The following SLC44A5 variants were observed in gnomAD, a reference collection of about 807,000 sequenced individuals.
SLC44A5 encodes choline transporter-like protein 5.
SLC44A5 carries 57 observed loss-of-function variants against 101.8 expected under a neutral mutation model. The observed-to-expected ratio is 0.56, with a 90% CI of 0.45 to 0.70. The LOEUF is 0.70. Among genes scored for constraint, SLC44A5 ranks in the 30% least tolerant of loss-of-function variants. The pLI is 0.00. For synonymous variants in SLC44A5, 281 were observed against 290.9 expected (o/e 0.97, Z 0.35); for missense variants, 737 against 853.1 (o/e 0.86, Z 1.70).
chr1:75,594,377 T>A (rs1674520922), intron 1 of SLC44A5, among the ~76,000 whole-genome samples: 2 of 152,104 alleles, frequency 1.3e-5, no homozygotes, highest in South Asian at 2.1e-4. Flanking sequence ...CGGATCCAAA[T>A]GTCATTAGTG....
At chr1:75,235,474 C>A (rs17567748) in intron 11 of SLC44A5, among the ~76,000 whole-genome samples, 1 of 151,624 alleles carries the variant, frequency 6.6e-6, no homozygotes, top group Non-Finnish European at 1.5e-5. Context: ...GAAGAAGAAG[C>A]GTGGAAATTA....
At chr1:75,373,238 C>T (rs2137407) in intron 3 of SLC44A5, among the ~76,000 whole-genome samples, 6,507 of 152,036 alleles carry the variant, frequency 0.043, 170 homozygotes, top group Middle Eastern at 0.062. Context: ...CACCAAAAAT[C>T]GATAGGGAGG....
intron 1 of SLC44A5, among the ~76,000 whole-genome samples, chr1:75,545,455 T>C (rs1671594827): frequency 6.6e-6 from 1 of 152,222 alleles, no homozygotes; most frequent in Non-Finnish European, 1.5e-5. Flanking sequence ...TTTGGTTCTG[T>C]ATGATGTTTC....
At chr1:75,468,930 T>G (rs1247700821) in intron 2 of SLC44A5, among the ~76,000 whole-genome samples, 3 of 152,204 alleles carry the variant, frequency 2.0e-5, no homozygotes, top group Non-Finnish European at 2.9e-5. Context: ...AAATATCTCA[T>G]GTACCTCATA....
chr1:75,316,179 A>G (rs1655671794), intron 4 of SLC44A5, among the ~76,000 whole-genome samples: 1 of 152,214 alleles, frequency 6.6e-6, no homozygotes, highest in Non-Finnish European at 1.5e-5. Flanking sequence ...ATTACTTTTT[A>G]TCTTCCGTCC....
intron 1 of SLC44A5, among the ~76,000 whole-genome samples, chr1:75,605,458 C>A (rs188321406): frequency 5.8e-4 from 88 of 152,138 alleles, no homozygotes; most frequent in Non-Finnish European, 9.9e-4. Context: ...CCTGAGAGGC[C>A]ACCCCTCCTT....
chr1:75,409,187 G>T (rs1261484002), intron 2 of SLC44A5, among the ~76,000 whole-genome samples: 1 of 152,132 alleles, frequency 6.6e-6, no homozygotes, highest in African/African-American at 2.4e-5. Context: ...CTAAAAGATG[G>T]GGGCAAGGTT....
chr1:75,719,957 G>A, the SLC44A5 span, among the ~76,000 whole-genome samples: 1 of 152,278 alleles, frequency 6.6e-6, no homozygotes, highest in South Asian at 2.1e-4. Context: ...ACAAAGCAAC[G>A]CCACCTAGGA....
intron 2 of SLC44A5, among the ~76,000 whole-genome samples, chr1:75,456,233 C>A (rs1666182605): frequency 1.3e-5 from 2 of 152,104 alleles, no homozygotes; most frequent in African/African-American, 4.8e-5. Context: ...AGGCCATTAT[C>A]CTAAATGAAT....
chr1:75,580,441 G>C (rs1040151806), intron 1 of SLC44A5, among the ~76,000 whole-genome samples: 3 of 152,140 alleles, frequency 2.0e-5, no homozygotes, highest in Non-Finnish European at 4.4e-5. Context: ...GCTTGTTCAT[G>C]GTAGGAAGAT....
chr1:75,583,508 G>A (rs749801049), intron 1 of SLC44A5, among the ~76,000 whole-genome samples: 10 of 152,260 alleles, frequency 6.6e-5, no homozygotes, highest in Admixed American at 6.5e-5. Context: ...TACAATGAAC[G>A]TGCAGCTTGA....
the SLC44A5 span, among the ~76,000 whole-genome samples, chr1:75,691,086 T>C: frequency 6.6e-6 from 1 of 152,152 alleles, no homozygotes; most frequent in Non-Finnish European, 1.5e-5. Context: ...CTTGAGTGTG[T>C]ACTTTTCGCT....
chr1:75,222,529 G>T, intron 13 of SLC44A5, 69 bp from the exon 14 acceptor site: 1 of 897,542 alleles, frequency 1.1e-6, no homozygotes, highest in Non-Finnish European at 1.8e-6. Flanking sequence ...CCCTGCAAAT[G>T]CTAGGATTGA....
chr1:75,218,490 C>T lies in SLC44A5; in HGVS notation c.1529G>A (p.Arg510Gln), dbSNP rs753271100. ...PLFTAFGRAI[R>Q]YHTGSLAFGS... The stretch of plus-strand genomic sequence containing the variant: ...GTGTAGGCTTCAACTTGAAACTTAC[C>T]GTATGGCTCGTCCAAATGCAGTAAA... Residue 510 changes from arginine to glutamine, a missense_variant and splice_region_variant, in exon 17 of 24, where the codon CGA (arginine) becomes CAA (glutamine). Coordinates refer to ENST00000370859, the MANE Select transcript of SLC44A5 (RefSeq NM_001130058.2). 29 of 1,613,342 alleles carry T rather than the reference C, an allele frequency of 1.8e-5. No individual in the cohort carries two copies. In the Admixed American group the frequency reaches 2.7e-4, roughly 15 times the overall value.
chr1:75,361,086 T>C (rs538726816), intron 3 of SLC44A5, among the ~76,000 whole-genome samples: 29 of 152,288 alleles, frequency 1.9e-4, no homozygotes, highest in Non-Finnish European at 4.0e-4. Context: ...GAGATTTTTT[T>C]CTTCATTTCC....
intron 5 of SLC44A5, among the ~76,000 whole-genome samples, chr1:75,285,196 T>G (rs577845542): frequency 2.6e-5 from 4 of 152,208 alleles, no homozygotes; most frequent in African/African-American, 9.6e-5. Context: ...TGTTCAGAGT[T>G]TCTATTTCTT....
At chr1:75,357,659 T>A (rs1659180137) in intron 3 of SLC44A5, among the ~76,000 whole-genome samples, 1 of 152,020 alleles carries the variant, frequency 6.6e-6, no homozygotes. Context: ...GAAAGAGGGT[T>A]AAGAAAATGG....
chr1:75,655,797 G>A, the SLC44A5 span, among the ~76,000 whole-genome samples: 2 of 152,186 alleles, frequency 1.3e-5, no homozygotes, highest in Admixed American at 1.3e-4. Context: ...TTTGGGCCAG[G>A]CCAGAAGGGA....
At chr1:75,639,201 A>C in the SLC44A5 span, among the ~76,000 whole-genome samples, 1 of 152,110 alleles carries the variant, frequency 6.6e-6, no homozygotes, top group East Asian at 1.9e-4. Flanking sequence ...GTGGATGTTA[A>C]GTGTTCTCAC....
Sources: gnomAD v4.1 joint callset for allele counts (sites outside exome capture counted in the v4.1 genomes callset) on GRCh38, gnomAD v4.1.1 for gene constraint, MANE v1.5 for transcripts, NCBI Gene and HGNC (gene_info 2026-07-23, HGNC 2026-07-21) for gene names.